Variants in CA10 observed in about 807,000 individuals in gnomAD.
CA10 encodes the protein carbonic anhydrase-related protein 10.
CA10 carries 14 observed loss-of-function variants against 44.2 expected under a neutral mutation model. The observed-to-expected ratio is 0.32, with a 90% CI of 0.21 to 0.50. CA10 has a LOEUF of 0.50. Among genes scored for constraint, CA10 ranks in the 20% least tolerant of loss-of-function variants. The probability of loss-of-function intolerance (pLI) is 0.99; values close to 1 mark genes in which losing one functional copy is unlikely to be tolerated. For synonymous variants in CA10, 159 were observed against 141.6 expected (o/e 1.12, Z -0.87); for missense variants, 350 against 409.7 (o/e 0.85, Z 1.26).
chr17:51,889,558 A>AAACC (rs1980765983), intron 3 of CA10, among the ~76,000 whole-genome samples: 1 of 152,068 alleles, frequency 6.6e-6, no homozygotes, highest in African/African-American at 2.4e-5. Context: ...CAAACCAAAC[A>AAACC]AAACAAAATA....
intron 1 of CA10, among the ~76,000 whole-genome samples, chr17:52,129,409 A>G (rs1989184840): frequency 6.6e-6 from 1 of 152,318 alleles, no homozygotes; most frequent in African/African-American, 2.4e-5. Context: ...AATTCATTTA[A>G]TCTTCACAAG....
intron 5 of CA10, among the ~76,000 whole-genome samples, chr17:51,653,068 G>C (rs1260687870): frequency 6.6e-6 from 1 of 152,072 alleles, no homozygotes; most frequent in East Asian, 1.9e-4. Context: ...TTGACTGTTA[G>C]GGAGATGTGG....
At chr17:51,819,380 G>A (rs971446987) in intron 3 of CA10, among the ~76,000 whole-genome samples, 30 of 152,094 alleles carry the variant, frequency 2.0e-4, no homozygotes, top group African/African-American at 6.8e-4. Context: ...GGTGGCTCCC[G>A]AGATCCATGG....
In CA10 at chr17:52,052,157, G is replaced by A. The variant is rs572579092; in HGVS notation, c.136+20162C>T. The stretch of plus-strand genomic sequence containing the variant: ...GTGGAGGGTGGGGGAAGGGAGGAGG[G>A]ATCAGGAAAAATAAGTAATGGGTAC... On this transcript the variant is annotated intron_variant, in intron 2 of 8. Transcript: ENST00000451037. 8.6e-5 allele frequency among the ~76,000 whole-genome samples: 13 copies of A among 151,724 alleles called. No homozygotes were observed. The East Asian group carries it at 2.1e-3, about 25-fold the overall frequency.
chr17:51,831,404 C>G (rs2098015720), intron 3 of CA10, among the ~76,000 whole-genome samples: 1 of 152,142 alleles, frequency 6.6e-6, no homozygotes, highest in South Asian at 2.1e-4. Context: ...TGTCATGTGA[C>G]AAGAAGTATG....
At chr17:52,050,613 A>G (rs1018250679) in intron 2 of CA10, among the ~76,000 whole-genome samples, 14 of 151,912 alleles carry the variant, frequency 9.2e-5, no homozygotes, top group African/African-American at 3.4e-4. Flanking sequence ...ATGTCCTTCA[A>G]TCCCTTCCTT....
At chr17:52,063,254 C>A (rs1987439653) in intron 2 of CA10, among the ~76,000 whole-genome samples, 1 of 152,148 alleles carries the variant, frequency 6.6e-6, no homozygotes, top group South Asian at 2.1e-4. Context: ...TTCACAGGCT[C>A]ATAGGTGGAA....
rs1916183687 is a variant in CA10 at position 51,717,725 on chromosome 17, A to ATGTATATGTG, written c.465+29907_465+29908insCACATATACA. On this transcript the variant is annotated intron_variant, in intron 4 of 8. Transcript: ENST00000451037. ...TGTATATATACATATATACGTATAT[A>ATGTATATGTG]TACATATATACGTATATATACATGT... Among the ~76,000 whole-genome samples, 9 of 25,174 alleles carry ATGTATATGTG rather than the reference A, an allele frequency of 3.6e-4. 1 individual carries two copies. Among genetic ancestry groups the ATGTATATGTG allele is most frequent in the African/African-American group, 7.2e-4 (7 of 9,708 alleles). The allele number at this position is 25,174 out of a possible 152,430, so 16.5% of individuals were successfully genotyped here. A position where few individuals can be genotyped will look rare whatever the true frequency, so the allele number is the denominator to read the frequency against.
intron 3 of CA10, among the ~76,000 whole-genome samples, chr17:51,780,375 C>A (rs931786815): frequency 2.6e-5 from 4 of 152,200 alleles, no homozygotes; most frequent in African/African-American, 9.6e-5. Context: ...GATGAGAGAA[C>A]TAAAGATGAG....
intron 2 of CA10, among the ~76,000 whole-genome samples, chr17:51,944,999 T>C (rs1279314240): frequency 6.6e-6 from 1 of 152,138 alleles, no homozygotes; most frequent in Non-Finnish European, 1.5e-5. Context: ...AGGAATAACA[T>C]GCAGGTGGTA....
chr17:51,982,943 C>G (rs1364354800), intron 2 of CA10, among the ~76,000 whole-genome samples: 1 of 151,736 alleles, frequency 6.6e-6, no homozygotes, highest in Non-Finnish European at 1.5e-5. Context: ...GATTAGGTGC[C>G]AACTTTATAA....
chr17:51,785,515 A>G (rs540058661), intron 3 of CA10, among the ~76,000 whole-genome samples: 1 of 152,326 alleles, frequency 6.6e-6, no homozygotes, highest in South Asian at 2.1e-4. Flanking sequence ...AATACAGGCA[A>G]TAACAAACGC....
chr17:52,004,128 G>A (rs539116307), intron 2 of CA10, among the ~76,000 whole-genome samples: 1 of 151,910 alleles, frequency 6.6e-6, no homozygotes, highest in African/African-American at 2.4e-5. Flanking sequence ...ACTGCAATTT[G>A]CCCATCTTTA....
Position 51,681,215 on chromosome 17 carries a change from A to G in CA10, c.466-27479T>C, listed in dbSNP as rs562576599. Among the ~76,000 whole-genome samples the G allele has an allele frequency of 9.8e-5, 15 of 152,314 alleles. No individual in the cohort carries two copies. The East Asian group carries it at 2.9e-3, about 29-fold the overall frequency. ...TTCTGATCTGCAAAATGGGTATGGT[A>G]ATAGATTGTTTTAAGTATTGATTGA... On this transcript the variant is annotated intron_variant, in intron 4 of 8. Transcript: ENST00000451037.
chr17:51,744,136 A>G (rs1342886691), intron 4 of CA10, among the ~76,000 whole-genome samples: 2 of 152,072 alleles, frequency 1.3e-5, no homozygotes, highest in Non-Finnish European at 2.9e-5. Flanking sequence ...CCTGGCCAAC[A>G]TAGTGAAACC....
intron 3 of CA10, among the ~76,000 whole-genome samples, chr17:51,803,791 A>G (rs750881752): frequency 5.3e-4 from 80 of 152,250 alleles, no homozygotes; most frequent in Non-Finnish European, 1.0e-3. Flanking sequence ...CTTTCACCGC[A>G]GTGAACCTGT....
intron 3 of CA10, among the ~76,000 whole-genome samples, chr17:51,780,957 A>G (rs989049249): frequency 3.9e-5 from 6 of 152,210 alleles, no homozygotes; most frequent in African/African-American, 7.2e-5. Flanking sequence ...TGGGCTAATA[A>G]AACTATTTAC....
At chr17:51,993,188 G>A (rs1367177169) in intron 2 of CA10, among the ~76,000 whole-genome samples, 1 of 152,126 alleles carries the variant, frequency 6.6e-6, no homozygotes, top group Non-Finnish European at 1.5e-5. Context: ...TAGTCTGGGA[G>A]CTTTTTTATG....
intron 3 of CA10, among the ~76,000 whole-genome samples, chr17:51,841,872 G>C (rs1161224460): frequency 2.6e-5 from 4 of 152,180 alleles, no homozygotes; most frequent in African/African-American, 4.8e-5. Context: ...TCCAAGTTTT[G>C]CTTCATCAGC....
Sources: allele counts gnomAD v4.1 joint callset (sites outside exome capture counted in the v4.1 genomes callset), GRCh38; gene constraint gnomAD v4.1.1; transcripts MANE v1.5; gene names NCBI Gene and HGNC (gene_info 2026-07-23, HGNC 2026-07-21).